The following TTC38 variants were observed in gnomAD, a reference collection of about 807,000 sequenced individuals.
The protein encoded by TTC38 is tetratricopeptide repeat domain 38.
A neutral mutation model predicts 64.2 loss-of-function variants in TTC38; 64 were observed. The observed-to-expected ratio is 1.00, with a 90% confidence interval of 0.81 to 1.23. The LOEUF (loss-of-function observed/expected upper bound fraction) is 1.23. Ranked by LOEUF, TTC38 falls within the 50% of genes most tolerant of loss-of-function variation. TTC38 has a pLI of 0.00. For synonymous variants in TTC38, 254 were observed against 249.3 expected (o/e 1.02, Z -0.18); for missense variants, 573 against 615.5 (o/e 0.93, Z 0.73).
chr22:46,288,154 C>G (rs1478727538), intron 10 of TTC38, among the ~76,000 whole-genome samples: 4 of 152,182 alleles, frequency 2.6e-5, no homozygotes, highest in African/African-American at 9.7e-5. Flanking sequence ...TAGGGTTTGT[C>G]AAAGCGGCCA....
rs1490029755 is a variant in TTC38 at position 46,274,739 on chromosome 22, T to G, written c.366-509T>G. On this transcript the variant is annotated intron_variant, in intron 4 of 13. Coordinates refer to ENST00000381031, the MANE Select transcript of TTC38 (RefSeq NM_017931.4). The surrounding 1 kb of genome is among the most constrained non-coding windows in gnomAD (Gnocchi z 4.8). ...CTTTGGCAATTTGTTAAACCAGTTTTTTTTTTTTTTTAAATTGAACTAAAG... is the reference window on the plus strand; with the variant it reads ...CTTTGGCAATTTGTTAAACCAGTTTGTTTTTTTTTTTAAATTGAACTAAAG... Among the ~76,000 whole-genome samples the G allele has an allele frequency of 6.6e-6, 1 of 152,206 alleles. No individual in the cohort carries two copies. The highest frequency in any genetic ancestry group is 2.1e-4 in the South Asian group (1 of 4,838).
At position 46,293,310 on chromosome 22, in the gene TTC38, ATTCTT is replaced by A. The variant is rs1244557446; in HGVS notation, c.*433_*437del. On this transcript the variant is annotated 3_prime_UTR_variant, in exon 14 of 14. Coordinates refer to ENST00000381031, the MANE Select transcript of TTC38 (RefSeq NM_017931.4). The surrounding 1 kb of genome is among the most constrained non-coding windows in gnomAD (Gnocchi z 6.6). ...GGCTGCCCTTGGGATGGACCTTTTCATTCTTTTCTTTATATTCTAGACAGTCTCTG... is the reference window on the plus strand; with the variant it reads ...GGCTGCCCTTGGGATGGACCTTTTCATTCTTTATATTCTAGACAGTCTCTG... The A allele has an allele frequency of 5.3e-6, 1 of 187,774 alleles. No individual in the cohort carries two copies. The highest frequency in any genetic ancestry group is 1.1e-5 in the Non-Finnish European group (1 of 87,504). The allele number at this position is 187,774 out of a possible 1,614,324, so 11.6% of individuals were successfully genotyped here. A position where few individuals can be genotyped will look rare whatever the true frequency, so the allele number is the denominator to read the frequency against.
chr22:46,277,520 G>T (rs1353908146), intron 5 of TTC38, among the ~76,000 whole-genome samples: 5 of 145,456 alleles, frequency 3.4e-5, no homozygotes, highest in African/African-American at 1.3e-4. Flanking sequence ...AAGGAGAATT[G>T]CTTGAACTCA....
In TTC38 at chr22:46,270,331, G is replaced by GT. The variant is rs1178683678; in HGVS notation, c.111+1741dup. 1.3e-5 allele frequency among the ~76,000 whole-genome samples: 2 copies of GT among 151,740 alleles called. No individual in the cohort carries two copies. The highest frequency in any genetic ancestry group is 2.4e-5 in the African/African-American group (1 of 41,298). On this transcript the variant is annotated intron_variant, in intron 2 of 13. Transcript: ENST00000381031. The surrounding 1 kb of genome is among the most constrained non-coding windows in gnomAD (Gnocchi z 4.7). Reference sequence around the variant, plus strand: ...TTGAGCCTGGGCGGTTGAGACTGAAGTGAGCTGTGATTGTGCCACTGTACT... The same window carrying GT: ...TTGAGCCTGGGCGGTTGAGACTGAAGTTGAGCTGTGATTGTGCCACTGTACT...
At chr22:46,287,196 C>G (rs749247909) in intron 10 of TTC38, 42 bp downstream of exon 10, 2 of 1,529,928 alleles carry the variant, frequency 1.3e-6, no homozygotes, top group Non-Finnish European at 8.9e-7. Context: ...CCTCTTCCTC[C>G]CACATCATGA....
In TTC38 at chr22:46,268,664, GT is replaced by G; in HGVS notation, c.111+80del. ...GAAGGTTTTTTAATTGGGGAAAGCT[GT>G]TTTTTTGTTTTGTTTTGTTTTGTTT... On this transcript the variant is annotated intron_variant, in intron 2 of 13. Coordinates refer to ENST00000381031, the MANE Select transcript of TTC38 (RefSeq NM_017931.4). The G allele has an allele frequency of 6.4e-6, 9 of 1,416,930 alleles. No homozygotes were observed. The South Asian group carries it at 9.3e-5, about 15-fold the overall frequency. The allele number at this position is 1,416,930 out of a possible 1,614,324, so 87.8% of individuals were successfully genotyped here.
At chr22:46,283,374 C>A (rs772022657) in intron 7 of TTC38, among the ~76,000 whole-genome samples, 3 of 152,320 alleles carry the variant, frequency 2.0e-5, no homozygotes, top group South Asian at 2.1e-4. Context: ...GCTGAAGTAA[C>A]TTCCTCTGCA....
chr22:46,271,422 C>A lies in TTC38; in HGVS notation c.112-913C>A, dbSNP rs2147784552. Among the ~76,000 whole-genome samples the A allele has an allele frequency of 6.6e-6, 1 of 152,150 alleles. No homozygotes were observed. The highest frequency in any genetic ancestry group is 1.5e-5 in the Non-Finnish European group (1 of 67,990). ...AGAGACGGGGGTTTCACCGTGTTAG[C>A]CAGGATGGTCTCGATCTCCTGACCT... On this transcript the variant is annotated intron_variant, in intron 2 of 13. Transcript: ENST00000381031. This position sits in a 1 kb window ranked among gnomAD's most constrained non-coding sequence, Gnocchi z 5.5.
intron 7 of TTC38, among the ~76,000 whole-genome samples, chr22:46,283,159 G>A (rs2077547312): frequency 6.6e-6 from 1 of 151,992 alleles, no homozygotes; most frequent in Non-Finnish European, 1.5e-5. Flanking sequence ...GGTGGGTCTT[G>A]GACTCTTGGG....
intron 5 of TTC38, among the ~76,000 whole-genome samples, chr22:46,277,287 C>T (rs1283195860): frequency 6.6e-6 from 1 of 152,040 alleles, no homozygotes; most frequent in African/African-American, 2.4e-5. Context: ...ACCCTAGATA[C>T]TCGGGTGCGC....
At position 46,281,258 on chromosome 22, in the gene TTC38, GT is replaced by G. The variant is rs890602587; in HGVS notation, c.616-337del. ...GCTGAGGCCCAGAGAGGGCGGGTAT[GT>G]TTTGCAAGCACCTCAGCTGTATGCA... On this transcript the variant is annotated intron_variant, in intron 6 of 13. Coordinates refer to ENST00000381031, the MANE Select transcript of TTC38 (RefSeq NM_017931.4). This position sits in a 1 kb window ranked among gnomAD's most constrained non-coding sequence, Gnocchi z 5.2. 1.3e-5 allele frequency among the ~76,000 whole-genome samples: 2 copies of G among 152,288 alleles called. No homozygotes were observed. The highest frequency in any genetic ancestry group is 2.9e-5 in the Non-Finnish European group (2 of 68,054).
In TTC38 at chr22:46,274,915, C is replaced by T. The variant is rs543068564; in HGVS notation, c.366-333C>T. Among the ~76,000 whole-genome samples, 11 of 152,264 alleles carry T rather than the reference C, an allele frequency of 7.2e-5. No individual in the cohort carries two copies. The highest frequency in any genetic ancestry group is 1.7e-4 in the African/African-American group (7 of 41,548). On this transcript the variant is annotated intron_variant, in intron 4 of 13. Coordinates refer to ENST00000381031, the MANE Select transcript of TTC38 (RefSeq NM_017931.4). The surrounding 1 kb of genome is among the most constrained non-coding windows in gnomAD (Gnocchi z 4.8). ...ATCTCGGCTCACTGCCTCCACCTCC[C>T]GGGTTCAAGTGATTCTCCTGCCTCA...
chr22:46,279,149 T>C (rs1601874378), intron 6 of TTC38, among the ~76,000 whole-genome samples: 1 of 152,184 alleles, frequency 6.6e-6, no homozygotes, highest in African/African-American at 2.4e-5. Context: ...TCGCCAGTCA[T>C]GATCATTGCT....
intron 8 of TTC38, among the ~76,000 whole-genome samples, chr22:46,284,386 C>T (rs2077556964): frequency 6.6e-6 from 1 of 152,202 alleles, no homozygotes; most frequent in African/African-American, 2.4e-5. Context: ...CCAGTGATTC[C>T]GCCACAGGGT....
At position 46,278,568 on chromosome 22, in the gene TTC38, CTTT is replaced by C; in HGVS notation, c.540-13_540-11del. 6.2e-7 allele frequency: 1 copy of C among 1,608,126 alleles called. No homozygotes were observed. Among genetic ancestry groups the C allele is most frequent in the Non-Finnish European group, 8.5e-7 (1 of 1,174,672 alleles). On this transcript the variant is annotated splice_polypyrimidine_tract_variant and intron_variant, in intron 5 of 13. Coordinates refer to ENST00000381031, the MANE Select transcript of TTC38 (RefSeq NM_017931.4). Reference sequence around the variant, plus strand: ...CATCCATCATTTTGTATTCTGAGATCTTTTTTTCTGTTTTTAGCTATGTGAAAG... The same window carrying C: ...CATCCATCATTTTGTATTCTGAGATCTTTTCTGTTTTTAGCTATGTGAAAG...
Position 46,270,615 on chromosome 22 carries a change from C to T in TTC38, c.112-1720C>T, listed in dbSNP as rs890324590. 6.6e-6 allele frequency among the ~76,000 whole-genome samples: 1 copy of T among 152,082 alleles called. No individual in the cohort carries two copies. On this transcript the variant is annotated intron_variant, in intron 2 of 13. Coordinates refer to ENST00000381031, the MANE Select transcript of TTC38 (RefSeq NM_017931.4). This position sits in a 1 kb window ranked among gnomAD's most constrained non-coding sequence, Gnocchi z 4.7. ...TGGGAGGCTGAGGCAGGTGGATCAT[C>T]TGAGGTCAGGAGTTCAACACCAGCC... is the stretch of plus-strand genomic sequence containing the variant.
chr22:46,286,286 G>A (rs2077571014), intron 9 of TTC38, among the ~76,000 whole-genome samples: 1 of 152,088 alleles, frequency 6.6e-6, no homozygotes, highest in South Asian at 2.1e-4. Flanking sequence ...TTGTGATCTG[G>A]GGATCTAAAC....
Position 46,281,813 on chromosome 22 carries a change from C to G in TTC38, c.735+95C>G. The G allele has an allele frequency of 1.3e-6, 2 of 1,543,812 alleles. No homozygotes were observed. Among genetic ancestry groups the G allele is most frequent in the African/African-American group, 1.4e-5 (1 of 73,648 alleles). The stretch of plus-strand genomic sequence containing the variant: ...TATGGACAAGAGTTACAGGGCATGG[C>G]TTAATTCTCGGGGTTCCCTCTCCTC... On this transcript the variant is annotated intron_variant, in intron 7 of 13. Coordinates refer to ENST00000381031, the MANE Select transcript of TTC38 (RefSeq NM_017931.4). The surrounding 1 kb of genome is among the most constrained non-coding windows in gnomAD (Gnocchi z 5.2).
Position 46,291,323 on chromosome 22 carries a change from G to A in TTC38, c.1316+1424G>A, listed in dbSNP as rs73886792. Among the ~76,000 whole-genome samples the A allele has an allele frequency of 0.1, 15,765 of 152,164 alleles. 1,900 individuals are homozygous for A. Among genetic ancestry groups the A allele is most frequent in the African/African-American group, 0.3 (12,265 of 41,444 alleles). ...GGACAGGAGGGCTGAGGATGGAGCT[G>A]GGGTGACATCTGTGGGGCAGTGCGG... On this transcript the variant is annotated intron_variant, in intron 13 of 13. Transcript: ENST00000381031. The surrounding 1 kb of genome is among the most constrained non-coding windows in gnomAD (Gnocchi z 4.6).
Sources: gnomAD v4.1 joint callset for allele counts (sites outside exome capture counted in the v4.1 genomes callset) on GRCh38, gnomAD v4.1.1 for gene constraint, Gnocchi (gnomAD v3.1) non-coding constraint, MANE v1.5 for transcripts, NCBI Gene and HGNC (gene_info 2026-07-23, HGNC 2026-07-21) for gene names.